The following GABRA5 variants were observed in gnomAD, a reference collection of about 807,000 sequenced individuals.
GABRA5 encodes gamma-aminobutyric acid type A receptor subunit alpha5.
A neutral mutation model predicts 47.3 loss-of-function variants in GABRA5; 18 were observed. The observed-to-expected ratio is 0.38, with a 90% CI of 0.26 to 0.56. GABRA5 has a LOEUF of 0.56. Ranked by LOEUF, GABRA5 falls within the 20% of genes least tolerant of loss-of-function variation. The pLI is 0.71. For missense variants in GABRA5, 365 were observed against 599.3 expected (o/e 0.61, Z 4.08); for synonymous variants, 237 against 229.3 (o/e 1.03, Z -0.30).
chr15:26,873,973 C>T (rs1383434973), intron 3 of GABRA5, among the ~76,000 whole-genome samples: 1 of 152,196 alleles, frequency 6.6e-6, no homozygotes, highest in African/African-American at 2.4e-5. Context: ...CAGTTATCTG[C>T]TTTATAAAGG....
intron 6 of GABRA5, among the ~76,000 whole-genome samples, chr15:26,886,482 C>A (rs372710280): frequency 6.6e-6 from 1 of 152,180 alleles, no homozygotes; most frequent in Non-Finnish European, 1.5e-5. Context: ...ACAGACACAG[C>A]GTCCTTCAGC....
intron 9 of GABRA5, among the ~76,000 whole-genome samples, chr15:26,942,320 T>C (rs1894403802): frequency 6.6e-6 from 1 of 152,206 alleles, no homozygotes; most frequent in Admixed American, 6.5e-5. Context: ...CCTGGCTGTG[T>C]GGTCACTGCA....
chr15:26,911,371 G>GCACACACACACACACACACACACA (rs111798012), intron 6 of GABRA5, among the ~76,000 whole-genome samples: 2 of 118,306 alleles, frequency 1.7e-5, no homozygotes, highest in Non-Finnish European at 1.8e-5. Flanking sequence ...CTTGCTGCAT[G>GCACACACACACACACACACACACA]CACACACACA....
chr15:26,941,340 A>G (rs1433482487), intron 9 of GABRA5, among the ~76,000 whole-genome samples: 3 of 152,076 alleles, frequency 2.0e-5, no homozygotes, highest in Non-Finnish European at 4.4e-5. Context: ...TTCCCAATGC[A>G]TGTTAAGATA....
At chr15:26,930,874 T>TTTTC (rs978275084) in intron 7 of GABRA5, among the ~76,000 whole-genome samples, 103 of 150,980 alleles carry the variant, frequency 6.8e-4, no homozygotes, top group African/African-American at 2.4e-3. Flanking sequence ...TTCTTTTCTT[T>TTTTC]TTTCTTTCTT....
At chr15:26,872,591 C>T (rs564498183) in intron 3 of GABRA5, among the ~76,000 whole-genome samples, 14 of 152,264 alleles carry the variant, frequency 9.2e-5, no homozygotes, top group Non-Finnish European at 1.6e-4. Context: ...TTTATTTTCC[C>T]TCCAAAGAAA....
chr15:26,922,859 A>G (rs142459472), intron 7 of GABRA5, among the ~76,000 whole-genome samples: 281 of 152,258 alleles, frequency 1.8e-3, no homozygotes, highest in Middle Eastern at 3.4e-3. Flanking sequence ...CTCTTTGCCT[A>G]ATGCAATCCT....
intron 7 of GABRA5, among the ~76,000 whole-genome samples, chr15:26,930,890 C>CTT (rs1894086974): frequency 7.4e-6 from 1 of 134,936 alleles, no homozygotes; most frequent in Non-Finnish European, 1.5e-5. Flanking sequence ...TTCTTTCTTT[C>CTT]TTTTCTTTTT....
At chr15:26,932,914 G>A (rs1265274307) in intron 7 of GABRA5, among the ~76,000 whole-genome samples, 1 of 152,112 alleles carries the variant, frequency 6.6e-6, no homozygotes, top group East Asian at 1.9e-4. Context: ...GATGGACACA[G>A]GGTGGGGAAT....
At position 26,939,469 on chromosome 15, in the gene GABRA5, G is replaced by A; in HGVS notation, c.725-456G>A. On this transcript the variant is annotated intron_variant, in intron 8 of 10. Transcript: ENST00000335625. ...TGCACCTGCGACACAGCCAGCACAG[G>A]GCCTGCTGCTGGTGGGAGTGGTCGT... 4.0e-6 allele frequency: 3 copies of A among 750,880 alleles called. No homozygotes were observed. The East Asian group carries it at 7.4e-5, about 19-fold the overall frequency. The allele number at this position is 750,880 out of a possible 1,614,324, so 46.5% of individuals were successfully genotyped here. A position where few individuals can be genotyped will look rare whatever the true frequency, so the allele number is the denominator to read the frequency against.
chr15:26,925,632 T>C (rs543370953), intron 7 of GABRA5, among the ~76,000 whole-genome samples: 1 of 152,350 alleles, frequency 6.6e-6, no homozygotes, highest in South Asian at 2.1e-4. Context: ...ATCATCTGAA[T>C]CCTATTGGGA....
intron 10 of GABRA5, among the ~76,000 whole-genome samples, chr15:26,946,073 A>AG (rs1894503663): frequency 6.6e-6 from 1 of 152,154 alleles, no homozygotes; most frequent in Non-Finnish European, 1.5e-5. Flanking sequence ...CGGTTTCCCC[A>AG]GGGGGTCCTC....
intron 3 of GABRA5, among the ~76,000 whole-genome samples, chr15:26,873,998 T>C (rs1237492331): frequency 2.0e-5 from 3 of 152,230 alleles, no homozygotes; most frequent in African/African-American, 7.2e-5. Flanking sequence ...TTTCAGCATG[T>C]TCAGCAGGCA....
chr15:26,889,886 C>G (rs896776179), intron 6 of GABRA5, among the ~76,000 whole-genome samples: 1 of 152,142 alleles, frequency 6.6e-6, no homozygotes, highest in African/African-American at 2.4e-5. Context: ...TGTAGACATT[C>G]ATGAATACAT....
intron 6 of GABRA5, among the ~76,000 whole-genome samples, chr15:26,885,221 C>T (rs762584489): frequency 5.9e-5 from 9 of 151,624 alleles, no homozygotes; most frequent in Non-Finnish European, 8.8e-5. Flanking sequence ...ATGGCGTGAA[C>T]CTGGGAGGCG....
chr15:26,868,346 T>C (rs1483752877), intron 1 of GABRA5, among the ~76,000 whole-genome samples: 2 of 151,472 alleles, frequency 1.3e-5, no homozygotes. Context: ...TGGAAGTACC[T>C]GTTGTGTCTC....
intron 7 of GABRA5, among the ~76,000 whole-genome samples, chr15:26,927,072 T>G (rs1595428066): frequency 6.6e-6 from 1 of 152,046 alleles, no homozygotes; most frequent in African/African-American, 2.4e-5. Context: ...AATTTTGAAC[T>G]CTTATGTCAA....
intron 10 of GABRA5, among the ~76,000 whole-genome samples, chr15:26,945,300 G>A (rs1261743707): frequency 6.6e-6 from 1 of 152,216 alleles, no homozygotes; most frequent in Non-Finnish European, 1.5e-5. Flanking sequence ...CCTGGTGTCA[G>A]CCTACTCGAG....
intron 10 of GABRA5, among the ~76,000 whole-genome samples, chr15:26,946,151 CT>C (rs1894506574): frequency 6.6e-6 from 1 of 151,320 alleles, no homozygotes; most frequent in East Asian, 1.9e-4. Context: ...CTGCTCCACG[CT>C]TGGGCTTTCT....
Sources: allele counts gnomAD v4.1 joint callset (sites outside exome capture counted in the v4.1 genomes callset), GRCh38; gene constraint gnomAD v4.1.1; transcripts MANE v1.5; gene names NCBI Gene and HGNC (gene_info 2026-07-23, HGNC 2026-07-21).